Variants in XXYLT1 observed in about 807,000 individuals in gnomAD.
The protein encoded by XXYLT1 is xyloside xylosyltransferase 1.
XXYLT1 carries 20 observed loss-of-function variants against 28.9 expected under a neutral mutation model. The observed-to-expected ratio is 0.69, with a 90% CI of 0.49 to 1.00. The LOEUF (loss-of-function observed/expected upper bound fraction) is 1.00, where lower values mean the gene tolerates loss of function less well. XXYLT1 is among the 50% of genes least tolerant of loss of function. XXYLT1 has a pLI of 0.00. For missense variants in XXYLT1, 542 were observed against 560.1 expected (o/e 0.97, Z 0.33); for synonymous variants, 257 against 253.8 (o/e 1.01, Z -0.12).
At chr3:195,087,086 C>T (rs1178538033) in intron 3 of XXYLT1, among the ~76,000 whole-genome samples, 2 of 152,128 alleles carry the variant, frequency 1.3e-5, no homozygotes, top group East Asian at 1.9e-4. Context: ...GGGCAGGCTG[C>T]GGGGAGCAGT....
At chr3:195,114,802 G>T (rs774527006) in intron 3 of XXYLT1, among the ~76,000 whole-genome samples, 7 of 152,230 alleles carry the variant, frequency 4.6e-5, no homozygotes, top group Non-Finnish European at 7.3e-5. Context: ...TTTGGAGCAC[G>T]CAGGAAGGTA....
At position 195,168,311 on chromosome 3, in the gene XXYLT1, T is replaced by C. The variant is rs1404225678; in HGVS notation, c.653-11730A>G. 6.6e-6 allele frequency among the ~76,000 whole-genome samples: 1 copy of C among 152,206 alleles called. No individual in the cohort carries two copies. Among genetic ancestry groups the C allele is most frequent in the Non-Finnish European group, 1.5e-5 (1 of 68,026 alleles). ...GTTTGTTCTCAGAACAGCACAAATA[T>C]ATCATCAGACACAGGAGATATACTC... is the stretch of plus-strand genomic sequence containing the variant. On this transcript the variant is annotated intron_variant, in intron 2 of 3. Transcript: ENST00000310380. This position sits in a 1 kb window ranked among gnomAD's most constrained non-coding sequence, Gnocchi z 4.3.
intron 3 of XXYLT1, among the ~76,000 whole-genome samples, chr3:195,121,049 G>A (rs925297214): frequency 2.6e-5 from 4 of 152,322 alleles, no homozygotes; most frequent in African/African-American, 4.8e-5. Flanking sequence ...GCCACACCTA[G>A]CCTGCTGCTG....
intron 2 of XXYLT1, among the ~76,000 whole-genome samples, chr3:195,172,110 T>C (rs1721435934): frequency 6.6e-6 from 1 of 152,128 alleles, no homozygotes; most frequent in Non-Finnish European, 1.5e-5. Flanking sequence ...ATCATGATGG[T>C]TGGTAACTTT....
chr3:195,096,258 G>A (rs1716436924), intron 3 of XXYLT1, among the ~76,000 whole-genome samples: 2 of 152,184 alleles, frequency 1.3e-5, no homozygotes, highest in African/African-American at 4.8e-5. Flanking sequence ...CTCTAGCATG[G>A]CTGCAGCCCA....
intron 3 of XXYLT1, among the ~76,000 whole-genome samples, chr3:195,144,403 G>T (rs1719722011): frequency 6.6e-6 from 1 of 151,836 alleles, no homozygotes; most frequent in African/African-American, 2.4e-5. Context: ...TTGAGACACA[G>T]TCTTGCCCTA....
At chr3:195,234,075 C>A (rs1444161805) in intron 1 of XXYLT1, among the ~76,000 whole-genome samples, 1 of 150,956 alleles carries the variant, frequency 6.6e-6, no homozygotes, top group African/African-American at 2.4e-5. Context: ...CGCCACTACG[C>A]CCAGCTAATT....
intron 3 of XXYLT1, among the ~76,000 whole-genome samples, chr3:195,120,726 C>T (rs1718311668): frequency 6.6e-6 from 1 of 152,190 alleles, no homozygotes; most frequent in Admixed American, 6.5e-5. Context: ...TCAGGATTTC[C>T]CTTCTCCGTG....
At chr3:195,105,406 T>C (rs529625395) in intron 3 of XXYLT1, among the ~76,000 whole-genome samples, 7 of 152,348 alleles carry the variant, frequency 4.6e-5, no homozygotes, top group African/African-American at 1.2e-4. Context: ...CCCCAGGATA[T>C]TCACCAAAGT....
intron 2 of XXYLT1, among the ~76,000 whole-genome samples, chr3:195,201,320 T>C (rs1722840060): frequency 6.6e-6 from 1 of 152,140 alleles, no homozygotes; most frequent in Non-Finnish European, 1.5e-5. Context: ...AAAGAGGTGC[T>C]CTATCTATCC....
intron 3 of XXYLT1, among the ~76,000 whole-genome samples, chr3:195,139,418 G>A (rs545773648): frequency 3.3e-5 from 5 of 152,188 alleles, no homozygotes; most frequent in African/African-American, 1.2e-4. Flanking sequence ...AGGACATAAG[G>A]CCTGCTGCTT....
chr3:195,204,476 A>ACTCCCTCTCTCTCTCTCTCTCT (rs1553821521), intron 2 of XXYLT1, among the ~76,000 whole-genome samples: 1 of 125,864 alleles, frequency 7.9e-6, no homozygotes, highest in African/African-American at 2.8e-5. Flanking sequence ...TCACTCTCTC[A>ACTCCCTCTCTCTCTCTCTCTCT]CTCTCTCTCT....
intron 3 of XXYLT1, among the ~76,000 whole-genome samples, chr3:195,086,944 G>T (rs1715764248): frequency 6.6e-6 from 1 of 152,112 alleles, no homozygotes; most frequent in Non-Finnish European, 1.5e-5. Flanking sequence ...CACTGGCCAG[G>T]CCCCTCCCCG....
At chr3:195,083,886 CG>C (rs747918434) in intron 3 of XXYLT1, among the ~76,000 whole-genome samples, 40 of 152,006 alleles carry the variant, frequency 2.6e-4, no homozygotes, top group Non-Finnish European at 4.9e-4. Flanking sequence ...ATCATCCAGG[CG>C]CGGTGGCAGG....
At chr3:195,084,522 C>T (rs776764349) in intron 3 of XXYLT1, among the ~76,000 whole-genome samples, 59 of 152,326 alleles carry the variant, frequency 3.9e-4, no homozygotes, top group African/African-American at 1.3e-3. Context: ...TTCCCACCAG[C>T]GAGATGGCAG....
In XXYLT1 at chr3:195,180,844, G is replaced by A. The variant is rs958813357; in HGVS notation, c.653-24263C>T. ...CCTGCCTCAGGACTTTGCTCGTGAG[G>A]GGTCCTCAAGGCCACTGTCGCCCAG... On this transcript the variant is annotated intron_variant, in intron 2 of 3. Coordinates refer to ENST00000310380, the MANE Select transcript of XXYLT1 (RefSeq NM_152531.5). The surrounding 1 kb of genome is among the most constrained non-coding windows in gnomAD (Gnocchi z 5.8). Among the ~76,000 whole-genome samples the A allele has an allele frequency of 7.3e-5, 11 of 149,710 alleles. No homozygotes were observed. The highest frequency in any genetic ancestry group is 1.3e-4 in the Non-Finnish European group (9 of 68,036).
intron 3 of XXYLT1, among the ~76,000 whole-genome samples, chr3:195,120,284 G>GCAC (rs1553805984): frequency 9.0e-6 from 1 of 111,646 alleles, no homozygotes; most frequent in African/African-American, 3.7e-5. Flanking sequence ...CTGCTCAGAT[G>GCAC]CCCCCCCCGC....
At chr3:195,134,896 A>C (rs1719113623) in intron 3 of XXYLT1, among the ~76,000 whole-genome samples, 1 of 150,412 alleles carries the variant, frequency 6.6e-6, no homozygotes, top group South Asian at 2.1e-4. Flanking sequence ...CGCACGTGCA[A>C]AGAGCTATCA....
chr3:195,254,904 A>T (rs1577202686), intron 1 of XXYLT1, among the ~76,000 whole-genome samples: 1 of 151,810 alleles, frequency 6.6e-6, no homozygotes, highest in Non-Finnish European at 1.5e-5. Flanking sequence ...GTAAACAACT[A>T]CCCCCCACCT....
Sources: allele counts gnomAD v4.1 joint callset (sites outside exome capture counted in the v4.1 genomes callset), GRCh38; gene constraint gnomAD v4.1.1; non-coding constraint Gnocchi (gnomAD v3.1); transcripts MANE v1.5; gene names NCBI Gene and HGNC (gene_info 2026-07-23, HGNC 2026-07-21).